The following ZNF804A variants were observed in gnomAD, a reference collection of about 807,000 sequenced individuals.
ZNF804A encodes zinc finger protein 804A.
ZNF804A carries 2 observed loss-of-function variants against 16.5 expected under a neutral mutation model. That is an observed-to-expected ratio of 0.12 (90% CI 0.05 to 0.38). The LOEUF (loss-of-function observed/expected upper bound fraction) is 0.38. Ranked by LOEUF, ZNF804A falls within the 10% of genes least tolerant of loss-of-function variation. ZNF804A has a pLI of 0.99. For synonymous variants in ZNF804A, 534 were observed against 489.6 expected, an observed-to-expected ratio of 1.09 and a Z score of -1.20; for missense variants, 1,473 against 1,390.7, an observed-to-expected ratio of 1.06 and a Z score of -0.94.
chr2:184,827,295 G>C (rs956919931), intron 1 of ZNF804A, among the ~76,000 whole-genome samples: 4 of 150,424 alleles, frequency 2.7e-5, no homozygotes, highest in African/African-American at 4.9e-5. Context: ...TGAAAATCCA[G>C]TTATATTTTT....
At chr2:184,785,248 A>G (rs1475914925) in intron 1 of ZNF804A, among the ~76,000 whole-genome samples, 1 of 152,032 alleles carries the variant, frequency 6.6e-6, no homozygotes, top group Non-Finnish European at 1.5e-5. Flanking sequence ...GTAATATGCC[A>G]TAAAATAATT....
intron 3 of ZNF804A, among the ~76,000 whole-genome samples, chr2:184,934,674 C>A (rs552675206): frequency 2.6e-5 from 4 of 152,016 alleles, no homozygotes; most frequent in African/African-American, 9.7e-5. Context: ...TGTAACTTAA[C>A]GCTCTACAAA....
At chr2:184,878,811 G>A (rs978749140) in intron 2 of ZNF804A, among the ~76,000 whole-genome samples, 3 of 151,822 alleles carry the variant, frequency 2.0e-5, no homozygotes, top group Non-Finnish European at 4.4e-5. Context: ...TATTATTGTT[G>A]ATAATAAAAA....
chr2:184,765,008 C>T (rs1021705501), intron 1 of ZNF804A, among the ~76,000 whole-genome samples: 8 of 152,064 alleles, frequency 5.3e-5, no homozygotes, highest in African/African-American at 1.9e-4. Flanking sequence ...AATAAAATGT[C>T]TGTGAATTCA....
At chr2:184,677,691 TGTAA>T (rs1437395949) in intron 1 of ZNF804A, among the ~76,000 whole-genome samples, 2 of 152,038 alleles carry the variant, frequency 1.3e-5, no homozygotes, top group Non-Finnish European at 2.9e-5. Context: ...AAATCACTGC[TGTAA>T]GTAATATCAA....
At chr2:184,694,458 T>C (rs1025856902) in intron 1 of ZNF804A, among the ~76,000 whole-genome samples, 1 of 152,218 alleles carries the variant, frequency 6.6e-6, no homozygotes, top group Non-Finnish European at 1.5e-5. Flanking sequence ...TTAATACTTT[T>C]GGTATATAAC....
chr2:184,745,874 A>G (rs1440789798), intron 1 of ZNF804A, among the ~76,000 whole-genome samples: 1 of 151,694 alleles, frequency 6.6e-6, no homozygotes, highest in Non-Finnish European at 1.5e-5. Context: ...GAATGTAATC[A>G]ATGTATACCA....
intron 1 of ZNF804A, among the ~76,000 whole-genome samples, chr2:184,770,646 A>G (rs1694195391): frequency 6.6e-6 from 1 of 151,582 alleles, no homozygotes; most frequent in Non-Finnish European, 1.5e-5. Context: ...TAGTAGAGAA[A>G]GATAAATTAT....
At chr2:184,657,193 CT>C (rs1692092606) in intron 1 of ZNF804A, among the ~76,000 whole-genome samples, 1 of 152,080 alleles carries the variant, frequency 6.6e-6, no homozygotes, top group African/African-American at 2.4e-5. Flanking sequence ...TCAATTGATT[CT>C]CCCACTTCAG....
intron 1 of ZNF804A, among the ~76,000 whole-genome samples, chr2:184,849,402 T>C (rs1487265338): frequency 2.0e-5 from 3 of 151,788 alleles, no homozygotes; most frequent in East Asian, 1.9e-4. Flanking sequence ...CTGGGAAAAA[T>C]GGATATCTAT....
chr2:184,895,056 C>T (rs1217669372), intron 2 of ZNF804A, among the ~76,000 whole-genome samples: 1 of 152,112 alleles, frequency 6.6e-6, no homozygotes, highest in Non-Finnish European at 1.5e-5. Context: ...ACATCAGGTG[C>T]TTCAATGGCA....
At chr2:184,735,335 C>T (rs960567688) in intron 1 of ZNF804A, among the ~76,000 whole-genome samples, 2 of 152,010 alleles carry the variant, frequency 1.3e-5, no homozygotes, top group Non-Finnish European at 2.9e-5. Context: ...AGCAAACTAA[C>T]ACAGGAACAG....
chr2:184,890,742 C>T (rs1428641259), intron 2 of ZNF804A, among the ~76,000 whole-genome samples: 1 of 151,158 alleles, frequency 6.6e-6, no homozygotes, highest in African/African-American at 2.4e-5. Flanking sequence ...TTAATTATTC[C>T]TTAAAATTCC....
At chr2:184,850,437 T>C (rs1217778123) in intron 1 of ZNF804A, among the ~76,000 whole-genome samples, 1 of 151,890 alleles carries the variant, frequency 6.6e-6, no homozygotes, top group East Asian at 1.9e-4. Flanking sequence ...GAATAAAAGA[T>C]ATGTACTATT....
chr2:184,678,703 C>T (rs1188657752), intron 1 of ZNF804A, among the ~76,000 whole-genome samples: 2 of 152,098 alleles, frequency 1.3e-5, no homozygotes, highest in Non-Finnish European at 2.9e-5. Flanking sequence ...CCTCAAAAGC[C>T]AAGGATAAAT....
intron 1 of ZNF804A, among the ~76,000 whole-genome samples, chr2:184,703,559 G>C (rs1014885969): frequency 7.9e-5 from 12 of 151,608 alleles, no homozygotes; most frequent in African/African-American, 2.7e-4. Context: ...GCGTGGTGGC[G>C]GGCGCCTGTA....
At chr2:184,863,184 ATAAT>A (rs1478423022) in intron 1 of ZNF804A, among the ~76,000 whole-genome samples, 3 of 152,250 alleles carry the variant, frequency 2.0e-5, no homozygotes, top group Admixed American at 6.5e-5. Flanking sequence ...AAGTTTAGAA[ATAAT>A]TAAATGCTAT....
intron 1 of ZNF804A, among the ~76,000 whole-genome samples, chr2:184,714,367 A>G (rs567517506): frequency 6.6e-6 from 1 of 152,218 alleles, no homozygotes; most frequent in South Asian, 2.1e-4. Flanking sequence ...TTGGTAAACT[A>G]TTAAATATGC....
intron 1 of ZNF804A, among the ~76,000 whole-genome samples, chr2:184,708,422 A>G (rs1440029370): frequency 1.3e-5 from 2 of 152,148 alleles, no homozygotes; most frequent in East Asian, 3.9e-4. Context: ...CCTAACCAAA[A>G]CAGCTTGGTA....
Sources: gnomAD v4.1 joint callset for allele counts (sites outside exome capture counted in the v4.1 genomes callset) on GRCh38, gnomAD v4.1.1 for gene constraint, MANE v1.5 for transcripts, NCBI Gene and HGNC (gene_info 2026-07-23, HGNC 2026-07-21) for gene names.